The following DAB1 variants were observed in gnomAD, a reference collection of about 807,000 sequenced individuals.
DAB1 encodes disabled homolog 1.
In DAB1, 15 loss-of-function variants were observed where a neutral mutation model predicts 64.6. The ratio of observed to expected loss-of-function variants is 0.23; its 90% CI spans 0.16 to 0.36. DAB1 has a LOEUF of 0.36. DAB1 is among the 10% of genes least tolerant of loss of function. The pLI, the probability that DAB1 is intolerant of heterozygous loss-of-function variation, is 1.00. For synonymous variants in DAB1, 235 were observed against 251.9 expected (o/e 0.93, Z 0.64); for missense variants, 596 against 706.7 (o/e 0.84, Z 1.78).
chr1:58,135,356 T>C (rs1481702148), intron 5 of DAB1, among the ~76,000 whole-genome samples: 3 of 152,086 alleles, frequency 2.0e-5, no homozygotes, highest in African/African-American at 4.8e-5. Flanking sequence ...TTGAGAAACA[T>C]GGAATAACAA....
Position 57,026,151 on chromosome 1 carries a change from C to G in DAB1, c.724-108G>C, listed in dbSNP as rs542919413. ...GATACACATTTCTGTTTTTCATCATCTCTAGATAAACCGTAATCCTGATGG... is the reference window on the plus strand; with the variant it reads ...GATACACATTTCTGTTTTTCATCATGTCTAGATAAACCGTAATCCTGATGG... On this transcript the variant is annotated intron_variant, in intron 9 of 14. Transcript: ENST00000371236. 7.4e-6 allele frequency: 6 copies of G among 812,722 alleles called. No homozygotes were observed. The South Asian group carries it at 1.0e-4, about 14-fold the overall frequency. 50.3% of individuals were successfully genotyped at this position (812,722 alleles called of 1,614,324 possible).
intron 1 of DAB1, among the ~76,000 whole-genome samples, chr1:57,415,176 A>G (rs1684394822): frequency 6.6e-6 from 1 of 151,984 alleles, no homozygotes; most frequent in African/African-American, 2.4e-5. Flanking sequence ...ATGCTTAGAA[A>G]TTGACTCTAA....
At chr1:58,353,652 T>A (rs6677773) in intron 3 of DAB1, among the ~76,000 whole-genome samples, 75,745 of 151,836 alleles carry the variant, frequency 0.5, 18,850 homozygotes, top group East Asian at 0.59. Context: ...TAGATTTGTT[T>A]ACTTGAGCAG....
chr1:57,980,912 TACACAC>T (rs145692183), intron 5 of DAB1, among the ~76,000 whole-genome samples: 1 of 149,606 alleles, frequency 6.7e-6, no homozygotes. Context: ...TATATATATA[TACACAC>T]ACACACACAC....
At chr1:57,804,956 G>A (rs950734304) in intron 6 of DAB1, among the ~76,000 whole-genome samples, 7 of 152,226 alleles carry the variant, frequency 4.6e-5, no homozygotes, top group Admixed American at 6.5e-5. Flanking sequence ...CTCGGGTGGA[G>A]GAAGGACAGA....
At chr1:57,017,822 A>T (rs1040618654) in intron 11 of DAB1, among the ~76,000 whole-genome samples, 2 of 152,096 alleles carry the variant, frequency 1.3e-5, no homozygotes, top group African/African-American at 4.8e-5. Context: ...TAGTGGCTTA[A>T]ATCTACCAAC....
At chr1:57,392,788 TC>T (rs1682491825) in intron 1 of DAB1, among the ~76,000 whole-genome samples, 1 of 152,170 alleles carries the variant, frequency 6.6e-6, no homozygotes, top group African/African-American at 2.4e-5. Flanking sequence ...TCAACGTGAC[TC>T]AAGCAATCTG....
At chr1:57,380,880 A>C (rs1681314170) in intron 1 of DAB1, among the ~76,000 whole-genome samples, 1 of 152,206 alleles carries the variant, frequency 6.6e-6, no homozygotes. Flanking sequence ...CTCCAGGCCT[A>C]GCACATGCAG....
intron 11 of DAB1, among the ~76,000 whole-genome samples, chr1:57,017,263 T>C (rs555460289): frequency 6.6e-6 from 1 of 152,272 alleles, no homozygotes; most frequent in Non-Finnish European, 1.5e-5. Flanking sequence ...TAGCTTTGCC[T>C]GGCCTCTCAA....
chr1:57,115,183 G>A (rs1656001871), intron 4 of DAB1, among the ~76,000 whole-genome samples: 1 of 152,134 alleles, frequency 6.6e-6, no homozygotes, highest in African/African-American at 2.4e-5. Flanking sequence ...GTAGCATTGT[G>A]GCTAAGAGGG....
At chr1:57,742,071 T>G (rs146323181) in intron 6 of DAB1, among the ~76,000 whole-genome samples, 2 of 152,222 alleles carry the variant, frequency 1.3e-5, no homozygotes, top group Non-Finnish European at 2.9e-5. Context: ...ATAAAATATT[T>G]CAGAATATAG....
intron 5 of DAB1, among the ~76,000 whole-genome samples, chr1:57,956,576 A>G (rs563741986): frequency 6.6e-6 from 1 of 152,246 alleles, no homozygotes; most frequent in African/African-American, 2.4e-5. Flanking sequence ...AGACCTCATT[A>G]AATAAAGACA....
intron 4 of DAB1, among the ~76,000 whole-genome samples, chr1:58,326,983 CAT>C (rs769738025): frequency 3.3e-5 from 5 of 152,126 alleles, no homozygotes; most frequent in Non-Finnish European, 7.4e-5. Flanking sequence ...TTAAAGGGAC[CAT>C]ATCACTTTTT....
intron 5 of DAB1, among the ~76,000 whole-genome samples, chr1:57,989,672 C>T (rs969213541): frequency 6.6e-6 from 1 of 152,150 alleles, no homozygotes; most frequent in Non-Finnish European, 1.5e-5. Flanking sequence ...GCTAAATGAA[C>T]ATCTGTAGCC....
intron 4 of DAB1, among the ~76,000 whole-genome samples, chr1:57,088,350 C>A (rs1039646179): frequency 5.9e-5 from 9 of 152,164 alleles, no homozygotes; most frequent in African/African-American, 2.2e-4. Context: ...GGATTACAGG[C>A]GTGAGCCAGT....
chr1:57,055,581 C>G (rs1370062078), intron 9 of DAB1, among the ~76,000 whole-genome samples: 4 of 152,164 alleles, frequency 2.6e-5, no homozygotes, highest in African/African-American at 9.7e-5. Flanking sequence ...TTGATGCACT[C>G]AGGTGAAGGA....
chr1:58,099,143 G>C (rs821525), intron 5 of DAB1, among the ~76,000 whole-genome samples: 41,967 of 151,908 alleles, frequency 0.28, 7,223 homozygotes, highest in East Asian at 0.49. Flanking sequence ...CCATCCATGA[G>C]CCATGTTCCC....
At chr1:57,605,988 A>G in intron 7 of DAB1, 2 of 671,948 alleles carry the variant, frequency 3.0e-6, no homozygotes, top group Admixed American at 1.8e-5. Flanking sequence ...ATGTCTTAGA[A>G]CCTTCACCAC....
chr1:58,466,458 G>A (rs1178200613), intron 3 of DAB1, among the ~76,000 whole-genome samples: 1 of 152,056 alleles, frequency 6.6e-6, no homozygotes, highest in African/African-American at 2.4e-5. Context: ...CACAGATGGG[G>A]TGGGTAGGTC....
Sources: allele counts gnomAD v4.1 joint callset (sites outside exome capture counted in the v4.1 genomes callset), GRCh38; gene constraint gnomAD v4.1.1; transcripts MANE v1.5; gene names NCBI Gene and HGNC (gene_info 2026-07-23, HGNC 2026-07-21).